The following SH3GL2 variants were observed in gnomAD, a reference collection of about 807,000 sequenced individuals.
SH3GL2 encodes SH3 domain containing GRB2 like 2, endophilin A1.
Under a neutral mutation model 46.0 loss-of-function variants are expected in SH3GL2, and 24 were observed. The ratio of observed to expected loss-of-function variants is 0.52; its 90% CI spans 0.38 to 0.73. The LOEUF (loss-of-function observed/expected upper bound fraction) is 0.73, where lower values mean the gene tolerates loss of function less well. Ranked by LOEUF, SH3GL2 falls within the 30% of genes least tolerant of loss-of-function variation. The probability of loss-of-function intolerance (pLI) is 0.00; values close to 1 mark genes in which losing one functional copy is unlikely to be tolerated. For synonymous variants in SH3GL2, 196 were observed against 147.1 expected (o/e 1.33, Z -2.40); for missense variants, 413 against 424.2 (o/e 0.97, Z 0.23).
intron 1 of SH3GL2, among the ~76,000 whole-genome samples, chr9:17,688,636 G>T (rs982221155): frequency 6.6e-6 from 1 of 152,004 alleles, no homozygotes; most frequent in African/African-American, 2.4e-5. Flanking sequence ...TAGTGCGAGA[G>T]AGGAAAGGGG....
intron 1 of SH3GL2, among the ~76,000 whole-genome samples, chr9:17,626,203 C>T (rs1431460614): frequency 6.6e-6 from 1 of 152,188 alleles, no homozygotes; most frequent in Non-Finnish European, 1.5e-5. Flanking sequence ...TGACCTCCAC[C>T]TGGCACCTGC....
chr9:17,696,940 T>A (rs551255508), intron 1 of SH3GL2, among the ~76,000 whole-genome samples: 2 of 151,976 alleles, frequency 1.3e-5, no homozygotes, highest in Admixed American at 1.3e-4. Flanking sequence ...AGAGTGACTT[T>A]TAAAGACTGA....
chr9:17,598,496 G>T (rs184857498), intron 1 of SH3GL2, among the ~76,000 whole-genome samples: 1 of 152,304 alleles, frequency 6.6e-6, no homozygotes, highest in East Asian at 1.9e-4. Context: ...AATTGAGGCT[G>T]AGAAGAAACC....
chr9:17,581,210 C>G (rs1167614235), intron 1 of SH3GL2, among the ~76,000 whole-genome samples: 1 of 151,988 alleles, frequency 6.6e-6, no homozygotes, highest in African/African-American at 2.4e-5. Flanking sequence ...ATAGAGCGCT[C>G]CATTTCCGCT....
chr9:17,592,423 C>A (rs1818502085), intron 1 of SH3GL2, among the ~76,000 whole-genome samples: 1 of 152,176 alleles, frequency 6.6e-6, no homozygotes, highest in Non-Finnish European at 1.5e-5. Context: ...AATCATCACA[C>A]TGACTTAATT....
intron 1 of SH3GL2, among the ~76,000 whole-genome samples, chr9:17,661,615 G>A (rs1820217582): frequency 6.6e-6 from 1 of 152,278 alleles, no homozygotes; most frequent in Admixed American, 6.5e-5. Context: ...CAATTTGTGT[G>A]TGTGTTGAAT....
At chr9:17,676,604 TCAAA>T (rs1183362121) in intron 1 of SH3GL2, among the ~76,000 whole-genome samples, 5 of 152,224 alleles carry the variant, frequency 3.3e-5, no homozygotes, top group Admixed American at 1.3e-4. Context: ...AGACTCTGTC[TCAAA>T]CAAAGAAACA....
chr9:17,656,162 A>C (rs2117849233), intron 1 of SH3GL2, among the ~76,000 whole-genome samples: 1 of 152,278 alleles, frequency 6.6e-6, no homozygotes, highest in South Asian at 2.1e-4. Flanking sequence ...AATTGTGTTG[A>C]TGGATCAGTA....
At chr9:17,579,749 G>A (rs998625626) in intron 1 of SH3GL2, among the ~76,000 whole-genome samples, 1 of 152,182 alleles carries the variant, frequency 6.6e-6, no homozygotes, top group Non-Finnish European at 1.5e-5. Context: ...GGCGGAGGCC[G>A]GCGGTTTGCG....
rs1297643883 is a variant in SH3GL2 at position 17,579,150 on chromosome 9, G to A, written c.-93G>A. 1.2e-6 allele frequency: 1 copy of A among 858,180 alleles called. No homozygotes were observed. Among genetic ancestry groups the A allele is most frequent in the Non-Finnish European group, 1.7e-6 (1 of 598,742 alleles). The allele number at this position is 858,180 out of a possible 1,614,324, so 53.2% of individuals were successfully genotyped here. ...AGCCCCGGCGGCGGCACGACCAGAG[G>A]CGGCCAGGGGAGCGCGCCGCCCCGC... On this transcript the variant is annotated 5_prime_UTR_variant, in exon 1 of 9. Coordinates refer to ENST00000380607, the MANE Select transcript of SH3GL2 (RefSeq NM_003026.5).
At chr9:17,712,201 C>A (rs188942786) in intron 1 of SH3GL2, among the ~76,000 whole-genome samples, 26 of 151,886 alleles carry the variant, frequency 1.7e-4, no homozygotes, top group East Asian at 5.8e-4. Flanking sequence ...TATTTACATA[C>A]TGTGGATACA....
intron 1 of SH3GL2, among the ~76,000 whole-genome samples, chr9:17,724,235 T>C (rs1412394209): frequency 6.6e-6 from 1 of 152,144 alleles, no homozygotes; most frequent in Non-Finnish European, 1.5e-5. Flanking sequence ...GTTTGTTGAT[T>C]CATTCTTTTG....
chr9:17,677,070 C>T lies in SH3GL2; in HGVS notation c.46-69996C>T, dbSNP rs189860563. Among the ~76,000 whole-genome samples the T allele has an allele frequency of 2.0e-3, 306 of 152,236 alleles. 1 individual carries two copies. Among genetic ancestry groups the T allele is most frequent in the African/African-American group, 6.8e-3 (282 of 41,532 alleles). Reference sequence around the variant, plus strand: ...CATTTGGCGATGTCTTCCTCCATCACGCCTGCAGTCACTCCTGTGGACTTA... The same window carrying T: ...CATTTGGCGATGTCTTCCTCCATCATGCCTGCAGTCACTCCTGTGGACTTA... On this transcript the variant is annotated intron_variant, in intron 1 of 8. Transcript: ENST00000380607.
Position 17,789,703 on chromosome 9 carries a change from A to G in SH3GL2, c.624+153A>G. The G allele has an allele frequency of 3.6e-6, 5 of 1,381,912 alleles. No homozygotes were observed. The South Asian group carries it at 6.5e-5, about 18-fold the overall frequency. The allele number at this position is 1,381,912 out of a possible 1,614,324, so 85.6% of individuals were successfully genotyped here. A position where few individuals can be genotyped will look rare whatever the true frequency, so the allele number is the denominator to read the frequency against. The stretch of plus-strand genomic sequence containing the variant: ...TATTTATTTTAAATAATTGTCAGTC[A>G]TAAAGTAGACTGAGAAATAGAAAAG... On this transcript the variant is annotated intron_variant, in intron 6 of 8. Transcript: ENST00000380607.
chr9:17,737,947 T>A (rs1274737890), intron 1 of SH3GL2, among the ~76,000 whole-genome samples: 1 of 152,156 alleles, frequency 6.6e-6, no homozygotes. Flanking sequence ...CCTTTCAGAA[T>A]CAGCCCAGCC....
chr9:17,752,010 G>C (rs1425376396), intron 2 of SH3GL2, among the ~76,000 whole-genome samples: 2 of 150,090 alleles, frequency 1.3e-5, no homozygotes, highest in African/African-American at 4.8e-5. Flanking sequence ...TAAAGGTAAT[G>C]ACCAAGAAGA....
At chr9:17,734,066 A>C (rs1233225674) in intron 1 of SH3GL2, among the ~76,000 whole-genome samples, 3 of 152,062 alleles carry the variant, frequency 2.0e-5, no homozygotes, top group African/African-American at 7.2e-5. Flanking sequence ...CTCTCAGTCG[A>C]GAATTGCATT....
At chr9:17,606,889 A>T (rs1466159203) in intron 1 of SH3GL2, among the ~76,000 whole-genome samples, 1 of 152,210 alleles carries the variant, frequency 6.6e-6, no homozygotes, top group Admixed American at 6.5e-5. Context: ...TTAGAAATAG[A>T]CGGTCAGCAG....
At chr9:17,665,873 A>G (rs1820330063) in intron 1 of SH3GL2, among the ~76,000 whole-genome samples, 1 of 147,930 alleles carries the variant, frequency 6.8e-6, no homozygotes, top group Admixed American at 6.9e-5. Flanking sequence ...CTGTTCATCC[A>G]TCCATCCATC....
Sources: allele counts gnomAD v4.1 joint callset (sites outside exome capture counted in the v4.1 genomes callset), GRCh38; gene constraint gnomAD v4.1.1; transcripts MANE v1.5; gene names NCBI Gene and HGNC (gene_info 2026-07-23, HGNC 2026-07-21).